NAALADL2: variants seen among roughly 807,000 people sequenced by gnomAD.
The protein encoded by NAALADL2 is N-acetylated alpha-linked acidic dipeptidase like 2.
Under a neutral mutation model 87.2 loss-of-function variants are expected in NAALADL2, and 76 were observed. That is an observed-to-expected ratio of 0.87 (90% CI 0.72 to 1.05). NAALADL2 has a LOEUF of 1.05. NAALADL2 is among the 50% of genes least tolerant of loss of function. NAALADL2 has a pLI of 0.00. For synonymous variants in NAALADL2, 354 were observed against 331.0 expected (o/e 1.07, Z -0.75); for missense variants, 1,089 against 945.8 (o/e 1.15, Z -1.99).
chr3:175,502,650 G>C (rs1252180624), intron 9 of NAALADL2, among the ~76,000 whole-genome samples: 1 of 151,754 alleles, frequency 6.6e-6, no homozygotes, highest in Non-Finnish European at 1.5e-5. Context: ...TCACAGCCTC[G>C]TTAATTATGA....
intron 3 of NAALADL2, among the ~76,000 whole-genome samples, chr3:174,747,963 A>G (rs879968942): frequency 6.6e-6 from 1 of 152,308 alleles, no homozygotes; most frequent in East Asian, 1.9e-4. Flanking sequence ...TATTTACACC[A>G]TGGAATACTA....
At chr3:175,764,729 CG>C (rs1748466827) in intron 13 of NAALADL2, among the ~76,000 whole-genome samples, 1 of 152,030 alleles carries the variant, frequency 6.6e-6, no homozygotes, top group Non-Finnish European at 1.5e-5. Flanking sequence ...TGAAATGAGA[CG>C]GAACTATTAA....
At chr3:175,286,291 AAGG>A (rs1007696648) in intron 4 of NAALADL2, among the ~76,000 whole-genome samples, 3 of 152,130 alleles carry the variant, frequency 2.0e-5, no homozygotes, top group Non-Finnish European at 2.9e-5. Context: ...CCAGTGGAAA[AAGG>A]AGGAGGAGGA....
chr3:175,652,295 T>A (rs916818004), intron 11 of NAALADL2, among the ~76,000 whole-genome samples: 3 of 152,092 alleles, frequency 2.0e-5, no homozygotes, highest in African/African-American at 7.2e-5. Context: ...CCAGGATGAA[T>A]GAAATGTTTA....
At chr3:174,923,834 G>A (rs1735587492) in intron 1 of NAALADL2, among the ~76,000 whole-genome samples, 1 of 152,056 alleles carries the variant, frequency 6.6e-6, no homozygotes, top group Non-Finnish European at 1.5e-5. Flanking sequence ...GCACTGTAGA[G>A]GTAGAATACA....
At chr3:175,540,593 G>T (rs1712139465) in intron 9 of NAALADL2, among the ~76,000 whole-genome samples, 1 of 152,086 alleles carries the variant, frequency 6.6e-6, no homozygotes, top group Non-Finnish European at 1.5e-5. Context: ...TCTGGGAGGA[G>T]GTATCTGACA....
intron 1 of NAALADL2, among the ~76,000 whole-genome samples, chr3:174,446,397 T>C (rs1460836270): frequency 1.3e-5 from 2 of 152,180 alleles, no homozygotes; most frequent in Non-Finnish European, 2.9e-5. Flanking sequence ...TTTACAATCT[T>C]GGTATATAAA....
At chr3:174,870,281 A>G (rs1370477009) in intron 1 of NAALADL2, among the ~76,000 whole-genome samples, 1 of 152,130 alleles carries the variant, frequency 6.6e-6, no homozygotes, top group Non-Finnish European at 1.5e-5. Flanking sequence ...ACATTTCATT[A>G]CCAACCCATC....
At chr3:174,822,996 A>G (rs914460556) in intron 3 of NAALADL2, among the ~76,000 whole-genome samples, 1 of 152,234 alleles carries the variant, frequency 6.6e-6, no homozygotes, top group Non-Finnish European at 1.5e-5. Context: ...TCCTCTGTCC[A>G]TATCTTTTCA....
chr3:175,430,273 C>A (rs1394861324), intron 5 of NAALADL2, among the ~76,000 whole-genome samples: 1 of 151,598 alleles, frequency 6.6e-6, no homozygotes, highest in East Asian at 1.9e-4. Context: ...TTATAAAGTT[C>A]TTCTTTAAGT....
At chr3:175,731,282 G>A (rs1270682304) in intron 11 of NAALADL2, among the ~76,000 whole-genome samples, 2 of 152,140 alleles carry the variant, frequency 1.3e-5, no homozygotes, top group African/African-American at 4.8e-5. Context: ...CTGAGCTGTT[G>A]TGAGAATTAG....
intron 2 of NAALADL2, among the ~76,000 whole-genome samples, chr3:175,158,691 G>A (rs557560989): frequency 6.6e-6 from 1 of 152,080 alleles, no homozygotes; most frequent in South Asian, 2.1e-4. Flanking sequence ...AAATATAAAT[G>A]TAAATAGCAA....
chr3:175,240,775 C>T (rs1746720399), intron 3 of NAALADL2, among the ~76,000 whole-genome samples: 1 of 152,184 alleles, frequency 6.6e-6, no homozygotes, highest in Non-Finnish European at 1.5e-5. Context: ...CCTGGCTCAG[C>T]CTCCCGAGTA....
intron 10 of NAALADL2, among the ~76,000 whole-genome samples, chr3:175,617,622 C>G (rs78086233): frequency 0.021 from 3,189 of 152,268 alleles, 124 homozygotes; most frequent in African/African-American, 0.073. Context: ...TGGGCCTCCT[C>G]CCAACCCTAT....
intron 3 of NAALADL2, among the ~76,000 whole-genome samples, chr3:174,852,703 G>GA (rs200907204): frequency 0.02 from 2,982 of 152,028 alleles, 104 homozygotes; most frequent in African/African-American, 0.069. Context: ...CAGAGAAATG[G>GA]AAAAAACAAT....
intron 3 of NAALADL2, among the ~76,000 whole-genome samples, chr3:174,849,787 C>T (rs1725037510): frequency 6.7e-6 from 1 of 150,020 alleles, no homozygotes; most frequent in African/African-American, 2.4e-5. Flanking sequence ...TAGCCTAGGC[C>T]TACGCAGGGT....
chr3:175,632,163 G>T (rs1366486884), intron 11 of NAALADL2, among the ~76,000 whole-genome samples: 1 of 151,962 alleles, frequency 6.6e-6, no homozygotes, highest in Non-Finnish European at 1.5e-5. Context: ...GACCTAGTGG[G>T]AGGTGATTGA....
At position 175,603,935 on chromosome 3, in the gene NAALADL2, G is replaced by C. The variant is rs60141981; in HGVS notation, c.1801-23356G>C. ...CCTGAGCCCAGGAGGTTGAGGCTGC[G>C]AGAACTATGATTGCACCACTGCCCT... On this transcript the variant is annotated intron_variant, in intron 10 of 13. Coordinates refer to ENST00000454872, the MANE Select transcript of NAALADL2 (RefSeq NM_207015.3). Among the ~76,000 whole-genome samples, 902 of 151,258 alleles carry C rather than the reference G, an allele frequency of 6.0e-3. 6 individuals are homozygous for C. The highest frequency in any genetic ancestry group is 0.021 in the African/African-American group (838 of 40,650).
At chr3:174,599,701 T>G (rs934153277) in intron 2 of NAALADL2, among the ~76,000 whole-genome samples, 1 of 152,170 alleles carries the variant, frequency 6.6e-6, no homozygotes, top group African/African-American at 2.4e-5. Context: ...TCTTATGCCA[T>G]TTATGCATTG....
Sources: gnomAD v4.1 joint callset for allele counts (sites outside exome capture counted in the v4.1 genomes callset) on GRCh38, gnomAD v4.1.1 for gene constraint, MANE v1.5 for transcripts, NCBI Gene and HGNC (gene_info 2026-07-23, HGNC 2026-07-21) for gene names.